Variants in TMC3 observed in about 807,000 individuals in gnomAD.
The protein encoded by TMC3 is transmembrane channel-like protein 3.
TMC3 carries 98 observed loss-of-function variants against 110.6 expected under a neutral mutation model. The observed-to-expected ratio is 0.89, with a 90% CI of 0.75 to 1.05. The LOEUF (loss-of-function observed/expected upper bound fraction) is 1.05. Among genes scored for constraint, TMC3 ranks in the 50% least tolerant of loss-of-function variants. The pLI, the probability that TMC3 is intolerant of heterozygous loss-of-function variation, is 0.00. For synonymous variants in TMC3, 489 were observed against 513.1 expected (o/e 0.95, Z 0.63); for missense variants, 1,319 against 1,373.2 (o/e 0.96, Z 0.62).
chr15:81,361,826 T>C (rs984553809), intron 4 of TMC3: 5 of 157,796 alleles, frequency 3.2e-5, no homozygotes, highest in African/African-American at 1.2e-4. Flanking sequence ...TGGCGTATGT[T>C]TTCTAAATGG....
intron 8 of TMC3, 117 bp downstream of exon 8, chr15:81,356,330 C>T (rs1215541182): frequency 3.4e-6 from 4 of 1,171,138 alleles, no homozygotes; most frequent in Non-Finnish European, 4.6e-6. Context: ...GAAACAACTG[C>T]CCTGGACAAT....
intron 16 of TMC3, among the ~76,000 whole-genome samples, chr15:81,340,187 T>G (rs1369998928): frequency 6.6e-6 from 1 of 150,468 alleles, no homozygotes; most frequent in African/African-American, 2.5e-5. Flanking sequence ...CAACTAGTAC[T>G]CTCTGTTGGT....
At chr15:81,363,536 G>C (rs1894238773) in intron 3 of TMC3, among the ~76,000 whole-genome samples, 2 of 152,188 alleles carry the variant, frequency 1.3e-5, no homozygotes, top group Non-Finnish European at 2.9e-5. Context: ...GGACGTGTCT[G>C]CTGAGGCCAG....
intron 12 of TMC3, among the ~76,000 whole-genome samples, chr15:81,345,531 C>T (rs28555408): frequency 0.12 from 17,747 of 152,196 alleles, 1,686 homozygotes; most frequent in African/African-American, 0.26. Flanking sequence ...GTCTTACTCC[C>T]TTTCCTCCCC....
chr15:81,365,842 C>T (rs1316997662), intron 3 of TMC3, among the ~76,000 whole-genome samples: 3 of 152,060 alleles, frequency 2.0e-5, no homozygotes. Flanking sequence ...AGATATTTAA[C>T]AACATATATG....
chr15:81,339,999 C>T (rs999812636), intron 16 of TMC3, among the ~76,000 whole-genome samples: 8 of 152,184 alleles, frequency 5.3e-5, no homozygotes, highest in South Asian at 2.1e-4. Flanking sequence ...TTATCCACTC[C>T]GCATGTGGCT....
In TMC3 at chr15:81,345,455, A is replaced by G. The variant is rs1358816664; in HGVS notation, c.1273-444T>C. Among the ~76,000 whole-genome samples, 4 of 152,126 alleles carry G rather than the reference A, an allele frequency of 2.6e-5. No homozygotes were observed. In the East Asian group the frequency reaches 7.7e-4, roughly 29 times the overall value. ...TGATTCTCTGTGGCCTCGTCTGCCT[A>G]TAGGCCTTGAAATTTGATGTTAGTG... On this transcript the variant is annotated intron_variant, in intron 12 of 21. Transcript: ENST00000359440.
In TMC3 at chr15:81,358,193, C is replaced by T. The variant is rs1894106966; in HGVS notation, c.699G>A (p.Val233=). 1 of 1,612,258 alleles carries T rather than the reference C, an allele frequency of 6.2e-7. No individual in the cohort carries two copies. ...GYRLPLAYFL[V]GMAVFAYSFI... is the part of the protein sequence containing the mutation. The stretch of plus-strand genomic sequence containing the variant: ...AGCTGTAAGCAAACACTGCCATCCC[C>T]ACTAGGAAATACGCCAAGGGCAGCC... The change falls in exon 7 of 22, where the codon GTG becomes GTA. Residue 233 remains valine, a synonymous_variant. Coordinates refer to ENST00000359440, the MANE Select transcript of TMC3 (RefSeq NM_001080532.3).
intron 11 of TMC3, among the ~76,000 whole-genome samples, chr15:81,347,350 G>A (rs999634154): frequency 2.6e-5 from 4 of 152,164 alleles, no homozygotes; most frequent in African/African-American, 9.7e-5. Context: ...CAGGCCTTCC[G>A]CATCTCCTCA....
chr15:81,343,466 T>G (rs1208830824), intron 14 of TMC3, 121 bp from the exon 15 acceptor site: 1 of 683,674 alleles, frequency 1.5e-6, no homozygotes, highest in East Asian at 2.5e-5. Flanking sequence ...TCAGTGCTTG[T>G]GGGGCCATCC....
intron 1 of TMC3, 135 bp downstream of exon 1, chr15:81,373,854 G>C: frequency 1.3e-6 from 1 of 778,998 alleles, no homozygotes; most frequent in Non-Finnish European, 2.1e-6. Context: ...CCACAACCTG[G>C]AGAAGTGAGT....
chr15:81,331,825 AAC>A lies in TMC3; in HGVS notation c.*592_*593del, dbSNP rs1893468264. ...AGTGAGCGCGTGCACAACTCCAGTAAACACACTGCGCATGCTCCCCTCCCCAG... is the reference window on the plus strand; with the variant it reads ...AGTGAGCGCGTGCACAACTCCAGTAAACACTGCGCATGCTCCCCTCCCCAG... On this transcript the variant is annotated 3_prime_UTR_variant, in exon 22 of 22. Coordinates refer to ENST00000359440, the MANE Select transcript of TMC3 (RefSeq NM_001080532.3). 3 of 152,064 alleles carry A rather than the reference AAC, an allele frequency of 2.0e-5. No individual in the cohort carries two copies. Among genetic ancestry groups the A allele is most frequent in the South Asian group, 4.1e-4 (2 of 4,830 alleles). The allele number at this position is 152,064 out of a possible 1,614,324, so 9.4% of individuals were successfully genotyped here. A position where few individuals can be genotyped will look rare whatever the true frequency, so the allele number is the denominator to read the frequency against.
chr15:81,366,251 G>A (rs1391336802), intron 3 of TMC3, among the ~76,000 whole-genome samples: 1 of 152,192 alleles, frequency 6.6e-6, no homozygotes. Context: ...CTTTAAACAA[G>A]GTCAGGGAAG....
rs552055516 is a variant in TMC3, at chr15:81,331,125, T to C, written c.*1294A>G. On this transcript the variant is annotated 3_prime_UTR_variant, in exon 22 of 22. Coordinates refer to ENST00000359440, the MANE Select transcript of TMC3 (RefSeq NM_001080532.3). ...AGGTCTTTATTAAAAGGTGATCACC[T>C]GGCTCAGTAGGACTAGCGTCCAGGA... 2.0e-5 allele frequency: 3 copies of C among 152,356 alleles called. No individual in the cohort carries two copies. In the East Asian group the frequency reaches 5.8e-4, roughly 29 times the overall value. The allele number at this position is 152,356 out of a possible 1,614,324, so 9.4% of individuals were successfully genotyped here. A position where few individuals can be genotyped will look rare whatever the true frequency, so the allele number is the denominator to read the frequency against.
In TMC3 at chr15:81,344,056, G is replaced by A. The variant is rs1313486217; in HGVS notation, c.1519-11C>T. The A allele has an allele frequency of 2.5e-6, 4 of 1,602,488 alleles. No individual in the cohort carries two copies. Among genetic ancestry groups the A allele is most frequent in the Admixed American group, 3.3e-5 (2 of 59,816 alleles). Reference sequence around the variant, plus strand: ...GAGCTTCAGCATCTCCTGAAACACAGGGCGTCCCTGGATGCCACCATGCCC... The same window carrying A: ...GAGCTTCAGCATCTCCTGAAACACAAGGCGTCCCTGGATGCCACCATGCCC... On this transcript the variant is annotated splice_polypyrimidine_tract_variant and intron_variant, in intron 13 of 21. Coordinates refer to ENST00000359440, the MANE Select transcript of TMC3 (RefSeq NM_001080532.3).
chr15:81,359,118 G>A (rs1894130066), intron 5 of TMC3, among the ~76,000 whole-genome samples: 2 of 152,168 alleles, frequency 1.3e-5, no homozygotes, highest in Non-Finnish European at 2.9e-5. Context: ...CACATCCACT[G>A]GTTGATATAC....
At position 81,341,411 on chromosome 15, in the gene TMC3, T is replaced by C. The variant is rs1209266491; in HGVS notation, c.1823A>G (p.Gln608Arg). ...TCACCTTGAGGCTCGAAATACTTGC[T>C]GGTGGGGCACATTGCAGGTCAGCAC... ...WAVLTCNVPHQQVFRASRSNN... is the reference protein window; with the variant it reads ...WAVLTCNVPHRQVFRASRSNN... Residue 608 changes from glutamine to arginine, a missense_variant, in exon 16 of 22, where the codon CAG becomes CGG. Physicochemically the swap from Gln to Arg is conservative, Grantham distance 43. Coordinates refer to ENST00000359440, the MANE Select transcript of TMC3 (RefSeq NM_001080532.3). 1.2e-6 allele frequency: 2 copies of C among 1,611,788 alleles called. No homozygotes were observed. The highest frequency in any genetic ancestry group is 1.7e-5 in the Admixed American group (1 of 59,782).
At position 81,334,800 on chromosome 15, in the gene TMC3, C is replaced by G. The variant is rs1268684912; in HGVS notation, c.2379G>C (p.Gln793His). The G allele has an allele frequency of 6.2e-7, 1 of 1,613,984 alleles. No individual in the cohort carries two copies. The highest frequency in any genetic ancestry group is 1.7e-5 in the Admixed American group (1 of 60,018). The change falls in exon 21 of 22, where the codon CAG becomes CAC. Residue 793 changes from glutamine to histidine, a missense_variant. Transcript: ENST00000359440. Reference sequence around the variant, plus strand: ...GAGCCCTGTCCCCTGGCCTCGGGCTCTGGGGCATGGACTGTGCGACTGTCT... The same window carrying G: ...GAGCCCTGTCCCCTGGCCTCGGGCTGTGGGGCATGGACTGTGCGACTGTCT... ...RIETVAQSMPQSPRPGDRAPS... is the reference protein window; with the variant it reads ...RIETVAQSMPHSPRPGDRAPS...
rs568922345 is a variant in TMC3, at chr15:81,361,130, G to GT, written c.394+1089dup. 6.3e-4 allele frequency among the ~76,000 whole-genome samples: 96 copies of GT among 152,090 alleles called. 1 individual carries two copies. The South Asian group carries it at 0.02, about 31-fold the overall frequency. On this transcript the variant is annotated intron_variant, in intron 4 of 21. Transcript: ENST00000359440. ...CTTAATCCATTTAAATATTCAACAT[G>GT]TTTTTCCCAATTTGTCATCTAACTT...
Sources: gnomAD v4.1 joint callset for allele counts (sites outside exome capture counted in the v4.1 genomes callset) on GRCh38, gnomAD v4.1.1 for gene constraint, MANE v1.5 for transcripts, NCBI Gene and HGNC (gene_info 2026-07-23, HGNC 2026-07-21) for gene names.